Variants in PAGE2B observed in about 807,000 individuals in gnomAD.
The protein encoded by PAGE2B is putative G antigen family E member 3.
PAGE2B carries 5 observed loss-of-function variants against 7.6 expected under a neutral mutation model. That is an observed-to-expected ratio of 0.66 (90% CI 0.34 to 1.38). PAGE2B has a LOEUF of 1.38. Among genes scored for constraint, PAGE2B ranks in the 40% most tolerant of loss-of-function variants. PAGE2B has a pLI of 0.04. For synonymous variants in PAGE2B, 29 were observed against 26.7 expected (o/e 1.09, Z -0.27); for missense variants, 70 against 78.4 (o/e 0.89, Z 0.41).
intron 3 of PAGE2B, among the ~76,000 whole-genome samples, chrX:55,076,919 A>G (rs760053844): frequency 9.0e-6 from 1 of 111,215 alleles, no homozygotes; most frequent in Non-Finnish European, 1.9e-5. Context: ...CTTTTTCCAG[A>G]GCTCCTGTAT....
At chrX:55,049,731 A>G in the PAGE2B span, among the ~76,000 whole-genome samples, 1 of 109,949 alleles carries the variant, frequency 9.1e-6, no homozygotes, top group Non-Finnish European at 1.9e-5. Flanking sequence ...CGGTCTATCA[A>G]TTTTGTTGAT....
chrX:55,037,408 G>C, the PAGE2B span, among the ~76,000 whole-genome samples: 1 of 111,302 alleles, frequency 9.0e-6, no homozygotes, highest in Admixed American at 9.6e-5. Context: ...AACAACAGGT[G>C]CTGGAGAGGA....
the PAGE2B span, among the ~76,000 whole-genome samples, chrX:55,058,384 G>A: frequency 9.0e-6 from 1 of 110,733 alleles, no homozygotes; most frequent in Non-Finnish European, 1.9e-5. Context: ...GAATTGACAA[G>A]CACCAATATT....
At chrX:55,072,176 T>A (rs1385842376), upstream of PAGE2B, among the ~76,000 whole-genome samples, 1 of 112,248 alleles carries the variant, frequency 8.9e-6, no homozygotes, top group African/African-American at 3.2e-5. Context: ...ATTTTCTGGA[T>A]TTTTGCACTG....
chrX:55,067,441 T>A, the PAGE2B span, among the ~76,000 whole-genome samples: 4 of 112,101 alleles, frequency 3.6e-5, no homozygotes, highest in East Asian at 1.1e-3. Context: ...ATTTTCTTTA[T>A]CCAGTCTATC....
At chrX:55,030,594 G>A in the PAGE2B span, among the ~76,000 whole-genome samples, 3 of 111,240 alleles carry the variant, frequency 2.7e-5, no homozygotes, top group East Asian at 8.4e-4. Flanking sequence ...ATACAAAGCC[G>A]AGGAAAGAGA....
upstream of PAGE2B, among the ~76,000 whole-genome samples, chrX:55,070,505 T>C (rs1054876465): frequency 1.8e-5 from 2 of 111,905 alleles, no homozygotes; most frequent in African/African-American, 6.5e-5. Context: ...AGAATGTATA[T>C]TCTGTTGATT....
At chrX:55,063,992 C>A in the PAGE2B span, among the ~76,000 whole-genome samples, 1 of 111,164 alleles carries the variant, frequency 9.0e-6, no homozygotes, top group Non-Finnish European at 1.9e-5. Context: ...TATCAATATT[C>A]ATCAGTGATA....
chrX:55,045,171 A>G, the PAGE2B span: 1 of 111,947 alleles, frequency 8.9e-6, no homozygotes, highest in Non-Finnish European at 1.9e-5. Flanking sequence ...GACTACCTAA[A>G]AAATTCAGAG....
chrX:55,033,472 C>T, the PAGE2B span, among the ~76,000 whole-genome samples: 2 of 111,432 alleles, frequency 1.8e-5, no homozygotes, highest in African/African-American at 3.3e-5. Context: ...TGATTCTCAC[C>T]TTTTTATGAG....
chrX:55,070,732 A>G (rs1416853816), upstream of PAGE2B, among the ~76,000 whole-genome samples: 1 of 111,627 alleles, frequency 9.0e-6, no homozygotes, highest in Non-Finnish European at 1.9e-5. Context: ...TTGGGTGCAT[A>G]TATATTTAGA....
the PAGE2B span, chrX:55,045,196 A>G: frequency 8.9e-6 from 1 of 111,977 alleles, no homozygotes; most frequent in Admixed American, 9.5e-5. Flanking sequence ...GTATGATGAT[A>G]AAATTTTGTG....
chrX:55,053,286 C>T, the PAGE2B span, among the ~76,000 whole-genome samples: 3 of 111,713 alleles, frequency 2.7e-5, no homozygotes, highest in Admixed American at 9.5e-5. Context: ...AACCAAGCAC[C>T]GCATGTTCTC....
chrX:55,032,652 A>G, the PAGE2B span, among the ~76,000 whole-genome samples: 1 of 111,572 alleles, frequency 9.0e-6, no homozygotes, highest in Non-Finnish European at 1.9e-5. Flanking sequence ...ATGAGATGAG[A>G]AGAACTTTGA....
chrX:55,066,786 G>T, the PAGE2B span, among the ~76,000 whole-genome samples: 2 of 111,062 alleles, frequency 1.8e-5, no homozygotes, highest in Admixed American at 1.9e-4. Context: ...AAATCTGCTT[G>T]GTGTTCTATA....
chrX:55,031,659 G>C, the PAGE2B span, among the ~76,000 whole-genome samples: 1 of 111,568 alleles, frequency 9.0e-6, no homozygotes, highest in African/African-American at 3.3e-5. Flanking sequence ...AAAGTACAGA[G>C]CCCGCCTATG....
At chrX:55,072,851 C>A (rs1188106027), upstream of PAGE2B, among the ~76,000 whole-genome samples, 5 of 111,890 alleles carry the variant, frequency 4.5e-5, no homozygotes, top group Non-Finnish European at 9.4e-5. Flanking sequence ...AGCTTCCAGA[C>A]CTCCTTAACA....
the PAGE2B span, among the ~76,000 whole-genome samples, chrX:55,052,222 G>T: frequency 8.9e-6 from 1 of 112,231 alleles, no homozygotes; most frequent in Non-Finnish European, 1.9e-5. Flanking sequence ...TGCCCCTACT[G>T]GGGGGTGCCT....
the PAGE2B span, among the ~76,000 whole-genome samples, chrX:55,067,901 T>A: frequency 8.9e-6 from 1 of 112,182 alleles, no homozygotes; most frequent in Non-Finnish European, 1.9e-5. Flanking sequence ...GTGGGTTTGT[T>A]TGTTTCTTTT....
Sources: allele counts gnomAD v4.1 joint callset (sites outside exome capture counted in the v4.1 genomes callset), GRCh38; gene constraint gnomAD v4.1.1; transcripts MANE v1.5; gene names NCBI Gene and HGNC (gene_info 2026-07-23, HGNC 2026-07-21).